SHANK2: variants seen among roughly 807,000 people sequenced by gnomAD.
SHANK2 encodes SH3 and multiple ankyrin repeat domains 2.
A neutral mutation model predicts 133.7 loss-of-function variants in SHANK2; 43 were observed. The ratio of observed to expected loss-of-function variants is 0.32; its 90% CI spans 0.25 to 0.41. The LOEUF (loss-of-function observed/expected upper bound fraction) is 0.41. Among genes scored for constraint, SHANK2 ranks in the 10% least tolerant of loss-of-function variants. SHANK2 has a pLI of 1.00. For missense variants in SHANK2, 1,994 were observed against 2,235.8 expected (o/e 0.89, Z 2.18); for synonymous variants, 1,017 against 952.8 (o/e 1.07, Z -1.24).
intron 12 of SHANK2, among the ~76,000 whole-genome samples, chr11:70,810,402 C>T (rs1024524086): frequency 3.9e-5 from 6 of 152,220 alleles, no homozygotes; most frequent in African/African-American, 7.2e-5. Context: ...AGGCACTGAG[C>T]GTCTCACGGC....
intron 10 of SHANK2, among the ~76,000 whole-genome samples, chr11:70,932,234 G>A (rs1399644740): frequency 6.6e-6 from 1 of 152,244 alleles, no homozygotes; most frequent in Non-Finnish European, 1.5e-5. Context: ...GTTCCGTGGA[G>A]GAAACAAAGG....
Position 70,790,816 on chromosome 11 carries a change from A to C in SHANK2, c.1777+7627T>G, listed in dbSNP as rs575375760. 2.6e-5 allele frequency among the ~76,000 whole-genome samples: 4 copies of C among 152,300 alleles called. No individual in the cohort carries two copies. The East Asian group carries it at 7.8e-4, about 30-fold the overall frequency. On this transcript the variant is annotated intron_variant, in intron 14 of 25. Transcript: ENST00000601538. ...ACAGGTCCCAGCATCTGCAGCATCC[A>C]GGTTCCCTCCACAGGGTGTCACGGG...
At chr11:71,164,101 T>C (rs1555110373) in intron 2 of SHANK2, among the ~76,000 whole-genome samples, 1 of 152,128 alleles carries the variant, frequency 6.6e-6, no homozygotes, top group African/African-American at 2.4e-5. Context: ...GTACCCTGTG[T>C]TTGTTCCTCA....
intron 17 of SHANK2, among the ~76,000 whole-genome samples, chr11:70,627,312 C>A (rs969861685): frequency 2.0e-5 from 3 of 152,174 alleles, no homozygotes; most frequent in Non-Finnish European, 4.4e-5. Context: ...ACCACACTGC[C>A]CTTGAACCCA....
intron 12 of SHANK2, among the ~76,000 whole-genome samples, chr11:70,812,157 G>T (rs1590710691): frequency 6.6e-6 from 1 of 152,240 alleles, no homozygotes; most frequent in South Asian, 2.1e-4. Context: ...TCACTTGACA[G>T]AGAAGTCAAA....
At chr11:70,899,079 C>G (rs1555076287) in intron 10 of SHANK2, among the ~76,000 whole-genome samples, 1 of 152,214 alleles carries the variant, frequency 6.6e-6, no homozygotes, top group Non-Finnish European at 1.5e-5. Flanking sequence ...GTTAGATGGT[C>G]TCTGCCCAAA....
chr11:70,943,837 C>T, intron 10 of SHANK2: 1 of 441,156 alleles, frequency 2.3e-6, no homozygotes, highest in Non-Finnish European at 4.6e-6. Flanking sequence ...CACCACAGGG[C>T]CAACCACATC....
intron 14 of SHANK2, among the ~76,000 whole-genome samples, chr11:70,782,337 G>A (rs145358082): frequency 9.9e-4 from 151 of 152,338 alleles, no homozygotes; most frequent in Non-Finnish European, 1.8e-3. Context: ...GATTACAGGC[G>A]TGAGCCACCG....
intron 14 of SHANK2, among the ~76,000 whole-genome samples, chr11:70,738,314 G>A (rs1292903362): frequency 6.6e-6 from 1 of 152,242 alleles, no homozygotes; most frequent in Non-Finnish European, 1.5e-5. Context: ...AATGTGCAGG[G>A]AAAGGCGCTC....
intron 15 of SHANK2, among the ~76,000 whole-genome samples, chr11:70,664,018 G>A (rs573052184): frequency 6.6e-6 from 1 of 152,146 alleles, no homozygotes; most frequent in African/African-American, 2.4e-5. Context: ...GCCTCAGGCC[G>A]CTGTCCCTGT....
At chr11:71,158,261 A>C (rs532547266) in intron 2 of SHANK2, among the ~76,000 whole-genome samples, 2 of 152,270 alleles carry the variant, frequency 1.3e-5, no homozygotes, top group African/African-American at 4.8e-5. Context: ...AGTTAAAAAA[A>C]AGTCCAGCAA....
chr11:70,569,306 G>C lies in SHANK2; in HGVS notation c.2062-66375C>G, dbSNP rs115176740. 6.6e-6 allele frequency among the ~76,000 whole-genome samples: 1 copy of C among 152,170 alleles called. No homozygotes were observed. The highest frequency in any genetic ancestry group is 2.4e-5 in the African/African-American group (1 of 41,428). On this transcript the variant is annotated intron_variant, in intron 17 of 25. Transcript: ENST00000601538. The surrounding 1 kb of genome is among the most constrained non-coding windows in gnomAD (Gnocchi z 5.1). ...GCTGGGGTCCTGGGGGGTCAGGCTC[G>C]GGAGCGTCTGGGGTGATCCTGCTCA... is the stretch of plus-strand genomic sequence containing the variant.
chr11:70,575,183 C>G (rs78351043), intron 17 of SHANK2, among the ~76,000 whole-genome samples: 3,848 of 152,276 alleles, frequency 0.025, 79 homozygotes, highest in East Asian at 0.093. Flanking sequence ...CCCAGGCGGG[C>G]AGCAGAGGAA....
intron 2 of SHANK2, among the ~76,000 whole-genome samples, chr11:71,212,132 C>A (rs1555118963): frequency 2.0e-5 from 3 of 152,220 alleles, no homozygotes; most frequent in African/African-American, 2.4e-5. Flanking sequence ...CAAAAGAATT[C>A]TGTTATTCCA....
chr11:71,219,947 G>C (rs1591032533), intron 2 of SHANK2, among the ~76,000 whole-genome samples: 1 of 152,082 alleles, frequency 6.6e-6, no homozygotes, highest in African/African-American at 2.4e-5. Context: ...AAACAGGCCA[G>C]GTGTGGTGGC....
intron 11 of SHANK2, among the ~76,000 whole-genome samples, chr11:70,884,582 G>A (rs1555073026): frequency 6.6e-6 from 1 of 152,198 alleles, no homozygotes; most frequent in Admixed American, 6.5e-5. Flanking sequence ...TGACCGGATT[G>A]GAAGGGAATG....
intron 6 of SHANK2, among the ~76,000 whole-genome samples, chr11:71,098,359 AG>A (rs1464843488): frequency 6.6e-6 from 1 of 151,536 alleles, no homozygotes; most frequent in Non-Finnish European, 1.5e-5. Flanking sequence ...GTCCAAGATC[AG>A]TGGGCTGCAA....
intron 21 of SHANK2, among the ~76,000 whole-genome samples, chr11:70,492,735 C>G (rs2058909019): frequency 6.6e-6 from 1 of 152,046 alleles, no homozygotes; most frequent in Non-Finnish European, 1.5e-5. Flanking sequence ...TGCCCAGCCC[C>G]CAAGGGCTCT....
At chr11:70,791,339 C>T (rs569474167) in intron 14 of SHANK2, among the ~76,000 whole-genome samples, 1 of 152,306 alleles carries the variant, frequency 6.6e-6, no homozygotes, top group Non-Finnish European at 1.5e-5. Flanking sequence ...TGAGGACATG[C>T]ATGTAATTAA....
Sources: gnomAD v4.1 joint callset for allele counts (sites outside exome capture counted in the v4.1 genomes callset) on GRCh38, gnomAD v4.1.1 for gene constraint, Gnocchi (gnomAD v3.1) non-coding constraint, MANE v1.5 for transcripts, NCBI Gene and HGNC (gene_info 2026-07-23, HGNC 2026-07-21) for gene names.